ELAVL2: variants seen among roughly 807,000 people sequenced by gnomAD.
ELAVL2 encodes ELAV-like protein 2.
ELAVL2 carries 4 observed loss-of-function variants against 34.6 expected under a neutral mutation model. That is an observed-to-expected ratio of 0.12 (90% confidence interval 0.06 to 0.26). ELAVL2 has a LOEUF of 0.26. Ranked by LOEUF, ELAVL2 falls within the 10% of genes least tolerant of loss-of-function variation. The pLI is 1.00. For synonymous variants in ELAVL2, 193 were observed against 154.8 expected, an observed-to-expected ratio of 1.25 and a Z score of -1.83; for missense variants, 432 against 442.8, an observed-to-expected ratio of 0.98 and a Z score of 0.22.
intron 3 of ELAVL2, among the ~76,000 whole-genome samples, chr9:23,725,687 C>T (rs1349064940): frequency 6.6e-6 from 1 of 152,096 alleles, no homozygotes; most frequent in Non-Finnish European, 1.5e-5. Context: ...AAACTCAAAT[C>T]CCCATATAAA....
intron 4 of ELAVL2, among the ~76,000 whole-genome samples, chr9:23,704,294 C>T (rs147449011): frequency 2.1e-3 from 323 of 152,190 alleles, no homozygotes; most frequent in Non-Finnish European, 3.3e-3. Context: ...ATAATCAAAT[C>T]TATATTGCTA....
chr9:23,745,328 T>C (rs921661338), intron 2 of ELAVL2, among the ~76,000 whole-genome samples: 1 of 152,202 alleles, frequency 6.6e-6, no homozygotes, highest in African/African-American at 2.4e-5. Flanking sequence ...ACAAAGATTT[T>C]CTGTGTAATC....
At chr9:23,777,398 C>T (rs774292305) in intron 1 of ELAVL2, among the ~76,000 whole-genome samples, 58 of 152,028 alleles carry the variant, frequency 3.8e-4, no homozygotes, top group Non-Finnish European at 6.5e-4. Flanking sequence ...AGTTCCTTGA[C>T]GATTCTGAGT....
chr9:23,832,466 AT>A, the ELAVL2 span, among the ~76,000 whole-genome samples: 4 of 152,084 alleles, frequency 2.6e-5, no homozygotes, highest in African/African-American at 7.2e-5. Context: ...ATTTAAATAG[AT>A]TTTTTTCACA....
intron 1 of ELAVL2, among the ~76,000 whole-genome samples, chr9:23,803,957 C>T (rs1217551093): frequency 6.6e-6 from 1 of 152,128 alleles, no homozygotes; most frequent in African/African-American, 2.4e-5. Flanking sequence ...AACGACCATG[C>T]ACAACGCTCA....
chr9:23,790,139 G>A (rs914571405), intron 1 of ELAVL2, among the ~76,000 whole-genome samples: 26 of 151,762 alleles, frequency 1.7e-4, no homozygotes, highest in African/African-American at 6.3e-4. Flanking sequence ...GAGGACCAAT[G>A]TAAAAGAGGC....
At chr9:23,842,148 C>G in the ELAVL2 span, among the ~76,000 whole-genome samples, 1 of 152,094 alleles carries the variant, frequency 6.6e-6, no homozygotes, top group Non-Finnish European at 1.5e-5. Flanking sequence ...CAAAACGTGG[C>G]TCTTTGAAAT....
chr9:23,755,809 A>C (rs2135768582), intron 2 of ELAVL2, among the ~76,000 whole-genome samples: 1 of 152,272 alleles, frequency 6.6e-6, no homozygotes, highest in South Asian at 2.1e-4. Context: ...GTGTTTATTA[A>C]GTTACCACCC....
In ELAVL2 at chr9:23,746,079, T is replaced by A. The variant is rs568793572; in HGVS notation, c.230-14954A>T. On this transcript the variant is annotated intron_variant, in intron 2 of 6. Coordinates refer to ENST00000397312, the MANE Select transcript of ELAVL2 (RefSeq NM_004432.5). ...GCACCTACTATTTTCAAAATTAAATTCAAACTTTGCTTTCCTCCAACACTA... is the reference window on the plus strand; with the variant it reads ...GCACCTACTATTTTCAAAATTAAATACAAACTTTGCTTTCCTCCAACACTA... Among the ~76,000 whole-genome samples, 3 of 152,244 alleles carry A rather than the reference T, an allele frequency of 2.0e-5. No homozygotes were observed. The South Asian group carries it at 6.2e-4, about 32-fold the overall frequency.
chr9:23,821,602 T>G (rs2064746527), intron 1 of ELAVL2: 1 of 152,312 alleles, frequency 6.6e-6, no homozygotes, highest in African/African-American at 2.4e-5. Context: ...CCCCAGCACT[T>G]GCCTGCTGTG....
intron 1 of ELAVL2, chr9:23,779,404 T>A: frequency 2.0e-6 from 2 of 985,350 alleles, no homozygotes; most frequent in Non-Finnish European, 1.2e-6. Flanking sequence ...TGGCTATTTA[T>A]AGCACAGCAA....
chr9:23,814,519 C>T (rs1259391880), intron 1 of ELAVL2, among the ~76,000 whole-genome samples: 2 of 152,086 alleles, frequency 1.3e-5, no homozygotes. Flanking sequence ...GCACTGATGA[C>T]CTCGTATTTG....
intron 4 of ELAVL2, among the ~76,000 whole-genome samples, chr9:23,703,068 T>C (rs2133249069): frequency 6.7e-6 from 1 of 149,814 alleles, no homozygotes; most frequent in East Asian, 2.0e-4. Flanking sequence ...CCCTCAGAGA[T>C]TTATTCAGTA....
At chr9:23,741,644 T>G (rs1021305743) in intron 2 of ELAVL2, among the ~76,000 whole-genome samples, 1 of 152,044 alleles carries the variant, frequency 6.6e-6, no homozygotes, top group South Asian at 2.1e-4. Flanking sequence ...ATCCTCATGA[T>G]TAGGAGGAGT....
At chr9:23,712,130 T>A (rs1348736878) in intron 3 of ELAVL2, among the ~76,000 whole-genome samples, 1 of 152,080 alleles carries the variant, frequency 6.6e-6, no homozygotes, top group Non-Finnish European at 1.5e-5. Flanking sequence ...AATACAGTGA[T>A]CATTTAGTCC....
At chr9:23,808,173 A>C (rs915407758) in intron 1 of ELAVL2, among the ~76,000 whole-genome samples, 42 of 152,274 alleles carry the variant, frequency 2.8e-4, no homozygotes, top group African/African-American at 9.4e-4. Flanking sequence ...AAAATAAGGT[A>C]GCTAGGAAGG....
chr9:23,849,299 A>G, the ELAVL2 span, among the ~76,000 whole-genome samples: 1 of 152,098 alleles, frequency 6.6e-6, no homozygotes, highest in African/African-American at 2.4e-5. Context: ...AAGGAGGGTT[A>G]ATAAGCAATT....
chr9:23,725,866 G>T (rs2045007708), intron 3 of ELAVL2, among the ~76,000 whole-genome samples: 1 of 152,044 alleles, frequency 6.6e-6, no homozygotes, highest in Admixed American at 6.6e-5. Context: ...ACCATGAAAA[G>T]CTTTTTTTCC....
At chr9:23,780,617 CAAGGTT>C (rs2058932472) in intron 1 of ELAVL2, among the ~76,000 whole-genome samples, 1 of 152,062 alleles carries the variant, frequency 6.6e-6, no homozygotes, top group Non-Finnish European at 1.5e-5. Context: ...CATTAATGGT[CAAGGTT>C]AAAGAAATAA....
Sources: allele counts gnomAD v4.1 joint callset (sites outside exome capture counted in the v4.1 genomes callset), GRCh38; gene constraint gnomAD v4.1.1; transcripts MANE v1.5; gene names NCBI Gene and HGNC (gene_info 2026-07-23, HGNC 2026-07-21).